The following IMMP2L variants were observed in gnomAD, a reference collection of about 807,000 sequenced individuals.
The protein encoded by IMMP2L is mitochondrial inner membrane protease subunit 2.
Under a neutral mutation model 19.3 loss-of-function variants are expected in IMMP2L, and 18 were observed. The ratio of observed to expected loss-of-function variants is 0.93; its 90% CI spans 0.64 to 1.38. IMMP2L has a LOEUF of 1.38. IMMP2L is among the 40% of genes most tolerant of loss of function. IMMP2L has a pLI of 0.00. For synonymous variants in IMMP2L, 76 were observed against 73.0 expected (o/e 1.04, Z -0.21); for missense variants, 233 against 218.2 (o/e 1.07, Z -0.43).
At chr7:110,951,818 T>C (rs1208569054) in intron 4 of IMMP2L, among the ~76,000 whole-genome samples, 1 of 152,068 alleles carries the variant, frequency 6.6e-6, no homozygotes, top group African/African-American at 2.4e-5. Flanking sequence ...TTAATAAAAA[T>C]GTAAAAGCAT....
At chr7:111,037,155 A>G (rs1791432667) in intron 3 of IMMP2L, among the ~76,000 whole-genome samples, 1 of 152,174 alleles carries the variant, frequency 6.6e-6, no homozygotes, top group Non-Finnish European at 1.5e-5. Context: ...ATTTTCTTCA[A>G]CAAGGTGGCA....
intron 3 of IMMP2L, among the ~76,000 whole-genome samples, chr7:111,129,486 T>C (rs1056225175): frequency 1.3e-5 from 2 of 151,812 alleles, no homozygotes; most frequent in African/African-American, 4.8e-5. Context: ...TATTTTGCAA[T>C]CAATTAAACA....
intron 3 of IMMP2L, among the ~76,000 whole-genome samples, chr7:111,198,941 T>C (rs537578308): frequency 3.9e-5 from 6 of 152,320 alleles, no homozygotes; most frequent in African/African-American, 1.2e-4. Context: ...TTCAGAGATA[T>C]ATACAAACAG....
intron 3 of IMMP2L, chr7:111,124,234 C>A (rs1801013858): frequency 6.2e-7 from 1 of 1,613,926 alleles, no homozygotes; most frequent in Non-Finnish European, 8.5e-7. Context: ...TGGCGTAACT[C>A]CCAAAGAAGG....
intron 3 of IMMP2L, among the ~76,000 whole-genome samples, chr7:110,988,321 C>T (rs1302985244): frequency 6.6e-6 from 1 of 152,176 alleles, no homozygotes; most frequent in African/African-American, 2.4e-5. Context: ...CAAGGTTAGC[C>T]TAGGAGTTGC....
intron 2 of IMMP2L, among the ~76,000 whole-genome samples, chr7:111,495,885 A>G (rs951617929): frequency 6.6e-6 from 1 of 152,128 alleles, no homozygotes; most frequent in African/African-American, 2.4e-5. Flanking sequence ...GCTACATACA[A>G]TCTACAACAG....
At chr7:111,118,023 T>A (rs1423670055) in intron 3 of IMMP2L, among the ~76,000 whole-genome samples, 1 of 152,130 alleles carries the variant, frequency 6.6e-6, no homozygotes, top group East Asian at 1.9e-4. Flanking sequence ...TGATTTTTCA[T>A]AAGTATCACA....
chr7:110,831,950 C>T (rs912665400), intron 5 of IMMP2L, among the ~76,000 whole-genome samples: 5 of 152,202 alleles, frequency 3.3e-5, no homozygotes, highest in South Asian at 2.1e-4. Flanking sequence ...AAACTGCTTC[C>T]GAACTGATTT....
intron 1 of IMMP2L, among the ~76,000 whole-genome samples, chr7:111,547,515 C>A (rs531284772): frequency 6.8e-5 from 10 of 147,864 alleles, no homozygotes; most frequent in East Asian, 2.0e-4. Context: ...ACCCCCCCCC[C>A]CTTTTTATCC....
In IMMP2L at chr7:111,105,282, C is replaced by T. The variant is rs118132723; in HGVS notation, c.240-141717G>A. On this transcript the variant is annotated intron_variant, in intron 3 of 5. Coordinates refer to ENST00000405709, the MANE Select transcript of IMMP2L (RefSeq NM_032549.4). ...CAAATAACCTTCATTTTGCAACAACCTTCTATGAATCTGACATCTAGTTAT... is the reference window on the plus strand; with the variant it reads ...CAAATAACCTTCATTTTGCAACAACTTTCTATGAATCTGACATCTAGTTAT... 1.7e-3 allele frequency among the ~76,000 whole-genome samples: 254 copies of T among 151,968 alleles called. 3 individuals are homozygous for T. The East Asian group carries it at 0.037, about 22-fold the overall frequency.
At chr7:110,936,034 A>T (rs1816071038) in intron 4 of IMMP2L, among the ~76,000 whole-genome samples, 1 of 152,200 alleles carries the variant, frequency 6.6e-6, no homozygotes, top group African/African-American at 2.4e-5. Flanking sequence ...CTTACAACTT[A>T]TACAAAAATT....
intron 3 of IMMP2L, among the ~76,000 whole-genome samples, chr7:111,352,056 C>A (rs1828216712): frequency 6.6e-6 from 1 of 152,084 alleles, no homozygotes; most frequent in Non-Finnish European, 1.5e-5. Context: ...TATCAGTATG[C>A]TTCCCATTAA....
intron 3 of IMMP2L, among the ~76,000 whole-genome samples, chr7:111,475,142 G>A (rs2132143125): frequency 6.6e-6 from 1 of 152,210 alleles, no homozygotes; most frequent in South Asian, 2.1e-4. Context: ...TGTGCCATCA[G>A]TAAGTATTAA....
At chr7:110,773,400 T>G (rs189777735) in intron 5 of IMMP2L, among the ~76,000 whole-genome samples, 171 of 152,214 alleles carry the variant, frequency 1.1e-3, no homozygotes, top group African/African-American at 3.9e-3. Context: ...ATTAGATCAC[T>G]CTTATCTGAA....
At chr7:111,239,431 A>G (rs563077767) in intron 3 of IMMP2L, among the ~76,000 whole-genome samples, 2 of 152,052 alleles carry the variant, frequency 1.3e-5, no homozygotes, top group East Asian at 3.9e-4. Context: ...CTCATACTTA[A>G]TGACAAGACA....
chr7:111,042,398 C>T (rs987522228), intron 3 of IMMP2L, among the ~76,000 whole-genome samples: 1 of 152,166 alleles, frequency 6.6e-6, no homozygotes, highest in Non-Finnish European at 1.5e-5. Context: ...CCAGACTGGT[C>T]TCAAACTCCT....
intron 3 of IMMP2L, among the ~76,000 whole-genome samples, chr7:111,305,951 C>CT (rs1822819575): frequency 6.6e-6 from 1 of 152,130 alleles, no homozygotes; most frequent in African/African-American, 2.4e-5. Context: ...TGGATGGCTG[C>CT]TGATACCTTC....
chr7:111,093,318 A>T (rs1797060279), intron 3 of IMMP2L, among the ~76,000 whole-genome samples: 1 of 151,820 alleles, frequency 6.6e-6, no homozygotes, highest in African/African-American at 2.4e-5. Context: ...ACAAAAAGGA[A>T]AAAGTGTTTT....
At chr7:111,084,737 G>A (rs1796169051) in intron 3 of IMMP2L, among the ~76,000 whole-genome samples, 1 of 152,144 alleles carries the variant, frequency 6.6e-6, no homozygotes, top group Admixed American at 6.6e-5. Context: ...CACTGGTTGA[G>A]ATTCCAAAGC....
Sources: gnomAD v4.1 joint callset for allele counts (sites outside exome capture counted in the v4.1 genomes callset) on GRCh38, gnomAD v4.1.1 for gene constraint, MANE v1.5 for transcripts, NCBI Gene and HGNC (gene_info 2026-07-23, HGNC 2026-07-21) for gene names.